AGBL1: variants seen among roughly 807,000 people sequenced by gnomAD.
AGBL1 encodes the protein cytosolic carboxypeptidase 4.
A neutral mutation model predicts 118.9 loss-of-function variants in AGBL1; 130 were observed. The observed-to-expected ratio is 1.09, with a 90% CI of 0.95 to 1.26. The LOEUF is 1.26. AGBL1 is among the 50% of genes most tolerant of loss of function. AGBL1 has a pLI of 0.00. For missense variants in AGBL1, 1,584 were observed against 1,298.1 expected (o/e 1.22, Z -3.38); for synonymous variants, 555 against 478.9 (o/e 1.16, Z -2.08).
intron 22 of AGBL1, among the ~76,000 whole-genome samples, chr15:86,904,685 TTA>T (rs2080258275): frequency 6.7e-6 from 1 of 149,402 alleles, no homozygotes; most frequent in Non-Finnish European, 1.5e-5. Flanking sequence ...ATGTATTTTA[TTA>T]TATATAAATG....
intron 1 of AGBL1, among the ~76,000 whole-genome samples, chr15:86,089,409 A>C (rs113311174): frequency 1.3e-4 from 20 of 152,276 alleles, no homozygotes; most frequent in African/African-American, 4.6e-4. Flanking sequence ...TAATATAAGC[A>C]ATAGATGTGG....
chr15:86,096,127 A>G (rs993352884), intron 1 of AGBL1, among the ~76,000 whole-genome samples: 1 of 152,242 alleles, frequency 6.6e-6, no homozygotes, highest in Non-Finnish European at 1.5e-5. Flanking sequence ...ACATTATTTA[A>G]GGTGAAACTT....
chr15:86,743,361 C>T (rs1199868862), intron 22 of AGBL1, among the ~76,000 whole-genome samples: 1 of 152,038 alleles, frequency 6.6e-6, no homozygotes, highest in African/African-American at 2.4e-5. Flanking sequence ...ATCTGTCACT[C>T]CCCTAGGTTC....
At chr15:86,774,089 C>T (rs1039057015) in intron 22 of AGBL1, among the ~76,000 whole-genome samples, 6 of 152,022 alleles carry the variant, frequency 3.9e-5, no homozygotes, top group Non-Finnish European at 7.4e-5. Flanking sequence ...TAACCAAGAC[C>T]ATCTGCAACT....
chr15:86,415,946 G>A (rs1242146320), intron 18 of AGBL1, among the ~76,000 whole-genome samples: 6 of 152,086 alleles, frequency 3.9e-5, no homozygotes, highest in Non-Finnish European at 1.5e-5. Flanking sequence ...AAAAACAAGT[G>A]CCTATATGTC....
intron 17 of AGBL1, among the ~76,000 whole-genome samples, chr15:86,390,046 T>C (rs1021136707): frequency 1.3e-5 from 2 of 152,084 alleles, no homozygotes; most frequent in Non-Finnish European, 1.5e-5. Flanking sequence ...TGTAAAGCTA[T>C]GGAAACACTG....
chr15:86,162,310 C>G (rs567591386), intron 5 of AGBL1, among the ~76,000 whole-genome samples: 192 of 152,106 alleles, frequency 1.3e-3, no homozygotes, highest in Non-Finnish European at 2.2e-3. Context: ...GAGCAGATGC[C>G]CAGTGTTGTG....
chr15:86,895,483 T>C (rs1170664254), intron 22 of AGBL1, among the ~76,000 whole-genome samples: 3 of 151,966 alleles, frequency 2.0e-5, no homozygotes, highest in African/African-American at 7.2e-5. Context: ...ATAGTAGTTC[T>C]TTTTAGCAGT....
chr15:86,279,652 C>T lies in AGBL1; in HGVS notation c.2089C>T (p.Gln697Ter). 1 of 1,613,486 alleles carries T rather than the reference C, an allele frequency of 6.2e-7. No individual in the cohort carries two copies. The highest frequency in any genetic ancestry group is 1.1e-5 in the South Asian group (1 of 91,064). ...CTCTCTCTTTAGAAATCATTATCGCCAGAGTACAGCTGTTGCAGGCGGAGC... is the reference window on the plus strand; with the variant it reads ...CTCTCTCTTTAGAAATCATTATCGCTAGAGTACAGCTGTTGCAGGCGGAGC... ...EICYYKNHYRQSTAVAGGASG... is the reference protein window; with the variant it reads ...EICYYKNHYR The change falls in exon 16 of 23, where the codon CAG becomes TAG. Residue 697 changes from glutamine to a stop codon, truncating the protein, a stop_gained. Coordinates refer to ENST00000614907, the MANE Select transcript of AGBL1 (RefSeq NM_001386094.1). LOFTEE classifies it high-confidence loss of function.
intron 1 of AGBL1, among the ~76,000 whole-genome samples, chr15:86,137,617 T>C (rs2076906462): frequency 6.6e-6 from 1 of 152,184 alleles, no homozygotes; most frequent in Non-Finnish European, 1.5e-5. Context: ...TTTTAACTTC[T>C]GGAGAAAAAT....
chr15:86,592,844 A>G (rs2084356675), intron 21 of AGBL1, among the ~76,000 whole-genome samples: 1 of 152,114 alleles, frequency 6.6e-6, no homozygotes, highest in South Asian at 2.1e-4. Flanking sequence ...CACATGCCAG[A>G]CCAACACCCA....
chr15:86,460,681 G>A (rs1315246368), intron 18 of AGBL1, among the ~76,000 whole-genome samples: 1 of 152,170 alleles, frequency 6.6e-6, no homozygotes, highest in Non-Finnish European at 1.5e-5. Flanking sequence ...AGAGAAGTCA[G>A]AGATACTCTG....
At chr15:86,131,939 C>T (rs2067015554) in intron 1 of AGBL1, among the ~76,000 whole-genome samples, 1 of 144,916 alleles carries the variant, frequency 6.9e-6, no homozygotes, top group African/African-American at 2.6e-5. Flanking sequence ...CAGAGCAAGA[C>T]CATGTCTCGA....
chr15:86,779,908 G>T (rs920104699), intron 22 of AGBL1, among the ~76,000 whole-genome samples: 1 of 128,136 alleles, frequency 7.8e-6, no homozygotes, highest in Non-Finnish European at 1.7e-5. Flanking sequence ...AGTATGTGTT[G>T]GACACCCCCC....
intron 24 of AGBL1, among the ~76,000 whole-genome samples, chr15:87,022,716 T>C (rs1399842726): frequency 6.6e-6 from 1 of 151,960 alleles, no homozygotes; most frequent in Non-Finnish European, 1.5e-5. Flanking sequence ...AAGTACCAGG[T>C]AACCTATTAA....
intron 5 of AGBL1, among the ~76,000 whole-genome samples, chr15:86,159,738 A>G (rs1318736146): frequency 6.6e-6 from 1 of 152,054 alleles, no homozygotes; most frequent in African/African-American, 2.4e-5. Flanking sequence ...AATTCAGCCA[A>G]TTTCCAAGAT....
intron 5 of AGBL1, among the ~76,000 whole-genome samples, chr15:86,163,426 C>T (rs1463161922): frequency 6.6e-6 from 1 of 151,990 alleles, no homozygotes; most frequent in Non-Finnish European, 1.5e-5. Flanking sequence ...GAGATCCTGT[C>T]TTAAAAATAA....
chr15:86,270,078 T>A lies in AGBL1; in HGVS notation c.1987+11T>A, dbSNP rs141572152. 6.2e-7 allele frequency: 1 copy of A among 1,606,206 alleles called. No homozygotes were observed. Among genetic ancestry groups the A allele is most frequent in the South Asian group, 1.1e-5 (1 of 89,300 alleles). Reference sequence around the variant, plus strand: ...GCCAGTTTAATTATGGTATGAACGCTTGGGGAGCAGGGGCTTTCTGGAACA... The same window carrying A: ...GCCAGTTTAATTATGGTATGAACGCATGGGGAGCAGGGGCTTTCTGGAACA... On this transcript the variant is annotated intron_variant, in intron 14 of 22. Transcript: ENST00000614907.
chr15:86,088,229 G>A (rs1327157881), intron 1 of AGBL1: 4 of 152,406 alleles, frequency 2.6e-5, no homozygotes, highest in South Asian at 2.1e-4. Flanking sequence ...GTGTAAGGGT[G>A]GGAGACGGAG....
Sources: allele counts gnomAD v4.1 joint callset (sites outside exome capture counted in the v4.1 genomes callset), GRCh38; gene constraint gnomAD v4.1.1; transcripts MANE v1.5; gene names NCBI Gene and HGNC (gene_info 2026-07-23, HGNC 2026-07-21).